ADORA1: variants seen among roughly 807,000 people sequenced by gnomAD.
ADORA1 encodes adenosine A1 receptor, also known as adenosine receptor A1.
A neutral mutation model predicts 19.9 loss-of-function variants in ADORA1; 6 were observed. The observed-to-expected ratio is 0.30, with a 90% CI of 0.17 to 0.59. The LOEUF is 0.59. Among genes scored for constraint, ADORA1 ranks in the 20% least tolerant of loss-of-function variants. ADORA1 has a pLI of 0.87. For synonymous variants in ADORA1, 194 were observed against 188.4 expected (o/e 1.03, Z -0.24); for missense variants, 302 against 439.2 (o/e 0.69, Z 2.79).
chr1:203,130,900 A>T (rs1654311029), intron 3 of ADORA1, among the ~76,000 whole-genome samples: 1 of 152,134 alleles, frequency 6.6e-6, no homozygotes, highest in Admixed American at 6.5e-5. Context: ...CTGTCCTTTG[A>T]GGGTGGAGGC....
chr1:203,155,850 G>A (rs997381536), intron 3 of ADORA1, among the ~76,000 whole-genome samples: 5 of 152,240 alleles, frequency 3.3e-5, no homozygotes, highest in African/African-American at 1.2e-4. Flanking sequence ...TCCCAGCACA[G>A]CAGGGAATAA....
chr1:203,148,883 A>AT (rs542195419), intron 3 of ADORA1, among the ~76,000 whole-genome samples: 52 of 144,484 alleles, frequency 3.6e-4, no homozygotes, highest in East Asian at 2.2e-3. Context: ...GTCTCTCTGC[A>AT]TTTTTTTTTT....
chr1:203,146,545 C>T (rs1282004675), intron 3 of ADORA1, among the ~76,000 whole-genome samples: 2 of 151,592 alleles, frequency 1.3e-5, no homozygotes, highest in Non-Finnish European at 2.9e-5. Context: ...AGGAGGATCG[C>T]CTGAGCCTGG....
Position 203,128,749 on chromosome 1 carries a change from C to A in ADORA1, c.-57-36C>A. 1 of 1,510,850 alleles carries A rather than the reference C, an allele frequency of 6.6e-7. No individual in the cohort carries two copies. The highest frequency in any genetic ancestry group is 1.3e-5 in the South Asian group (1 of 76,270). 93.6% of individuals were successfully genotyped at this position (1,510,850 alleles called of 1,614,324 possible). ...GCCTGAGCTCCCTGCCCCTCCCAGA[C>A]GGGTCTCCCCATCCCAGGCTTCCCT... On this transcript the variant is annotated intron_variant, in intron 2 of 3. Transcript: ENST00000337894. This position sits in a 1 kb window ranked among gnomAD's most constrained non-coding sequence, Gnocchi z 5.9.
rs1360459365 is a variant in ADORA1, at chr1:203,128,852, C to T, written c.11C>T (p.Ser4Phe). The T allele has an allele frequency of 6.3e-7, 1 of 1,599,452 alleles. No individual in the cohort carries two copies. Among genetic ancestry groups the T allele is most frequent in the East Asian group, 2.2e-5 (1 of 44,748 alleles). MPP[S>F]ISAFQAAYIG... ...CAGCCTGTGCCCGCCATGCCGCCCT[C>T]CATCTCAGCTTTCCAGGCCGCCTAC... The change falls in exon 3 of 4, where the codon TCC becomes TTC. Residue 4 changes from serine (S) to phenylalanine (F), a missense_variant. By Grantham distance (155) the Ser-to-Phe change is radical. Coordinates refer to ENST00000337894, the MANE Select transcript of ADORA1 (RefSeq NM_000674.3). The surrounding 1 kb of genome is among the most constrained non-coding windows in gnomAD (Gnocchi z 5.9).
chr1:203,136,800 G>T (rs773526589), intron 3 of ADORA1, among the ~76,000 whole-genome samples: 1 of 152,070 alleles, frequency 6.6e-6, no homozygotes, highest in Admixed American at 6.5e-5. Context: ...GAGAGAGAAG[G>T]GCAGCTGATT....
Position 203,129,191 on chromosome 1 carries a change from A to G in ADORA1, c.341+9A>G. The G allele has an allele frequency of 6.2e-7, 1 of 1,602,886 alleles. No individual in the cohort carries two copies. The highest frequency in any genetic ancestry group is 8.5e-7 in the Non-Finnish European group (1 of 1,173,736). On this transcript the variant is annotated intron_variant, in intron 3 of 3. Transcript: ENST00000337894. ...GTCAAGATCCCTCTCCGGTGAGTCC[A>G]CAGCGCCGAAGGTACTCGCAGCACC...
intron 3 of ADORA1, among the ~76,000 whole-genome samples, chr1:203,137,063 G>A (rs1248474380): frequency 6.6e-6 from 1 of 152,132 alleles, no homozygotes; most frequent in African/African-American, 2.4e-5. Context: ...AAAGAAAAAG[G>A]GGGCAGGGTA....
Position 203,166,774 on chromosome 1 carries a change from T to A in ADORA1, c.*874T>A, listed in dbSNP as rs1221680858. The A allele has an allele frequency of 6.6e-6, 1 of 152,650 alleles. No homozygotes were observed. Among genetic ancestry groups the A allele is most frequent in the Non-Finnish European group, 1.5e-5 (1 of 68,430 alleles). The allele number at this position is 152,650 out of a possible 1,614,324, so 9.5% of individuals were successfully genotyped here. ...CCACTGGCCTGCCCGTTGCCGGGCC[T>A]GGACTGTCCTAGGTGACCCCATCTC... On this transcript the variant is annotated 3_prime_UTR_variant, in exon 4 of 4. Transcript: ENST00000337894.
chr1:203,146,544 G>T (rs764384788), intron 3 of ADORA1, among the ~76,000 whole-genome samples: 4 of 151,452 alleles, frequency 2.6e-5, no homozygotes, highest in Non-Finnish European at 4.4e-5. Context: ...CAGGAGGATC[G>T]CCTGAGCCTG....
At chr1:203,144,869 C>T (rs1431792617) in intron 3 of ADORA1, 2 of 152,232 alleles carry the variant, frequency 1.3e-5, no homozygotes, top group Admixed American at 6.5e-5. Context: ...AGAATGTCCC[C>T]TCCCTGTCTG....
intron 3 of ADORA1, among the ~76,000 whole-genome samples, chr1:203,134,535 G>A (rs1264758607): frequency 6.6e-6 from 1 of 152,210 alleles, no homozygotes; most frequent in Admixed American, 6.5e-5. Flanking sequence ...GTGGCTTCCC[G>A]GAAGTTTCTG....
Position 203,128,714 on chromosome 1 carries a change from T to G in ADORA1, c.-57-71T>G. 2 of 1,480,428 alleles carry G rather than the reference T, an allele frequency of 1.4e-6. No homozygotes were observed. The highest frequency in any genetic ancestry group is 2.7e-5 in the South Asian group (2 of 73,376). The allele number at this position is 1,480,428 out of a possible 1,614,324, so 91.7% of individuals were successfully genotyped here. On this transcript the variant is annotated intron_variant, in intron 2 of 3. Transcript: ENST00000337894. This position sits in a 1 kb window ranked among gnomAD's most constrained non-coding sequence, Gnocchi z 5.9. The stretch of plus-strand genomic sequence containing the variant: ...GGGACACATCACAGGGTACCTGGAG[T>G]TCCAGGGCAGCCTGAGCTCCCTGCC...
chr1:203,140,055 A>G (rs1246920567), intron 3 of ADORA1, among the ~76,000 whole-genome samples: 1 of 152,230 alleles, frequency 6.6e-6, no homozygotes, highest in Non-Finnish European at 1.5e-5. Flanking sequence ...AAATCCGGTG[A>G]TATAAAAAGG....
At position 203,128,532 on chromosome 1, in the gene ADORA1, T is replaced by C; in HGVS notation, c.-58+100T>C. 1.0e-6 allele frequency: 1 copy of C among 987,006 alleles called. No individual in the cohort carries two copies. Among genetic ancestry groups the C allele is most frequent in the Non-Finnish European group, 1.4e-6 (1 of 721,638 alleles). 61.1% of individuals were successfully genotyped at this position (987,006 alleles called of 1,614,324 possible). ...CTGTGTGTGCGCGCGCGCTGGGAGC[T>C]GCCTCACACCTGATAAAAAAGCCAG... On this transcript the variant is annotated intron_variant, in intron 2 of 3. Transcript: ENST00000337894. This position sits in a 1 kb window ranked among gnomAD's most constrained non-coding sequence, Gnocchi z 5.9.
chr1:203,142,686 G>T (rs939317529), intron 3 of ADORA1, among the ~76,000 whole-genome samples: 1 of 152,142 alleles, frequency 6.6e-6, no homozygotes, highest in Non-Finnish European at 1.5e-5. Context: ...CATGCTGCCT[G>T]TTTGTATGTG....
At chr1:203,138,741 G>A (rs758960895) in intron 3 of ADORA1, among the ~76,000 whole-genome samples, 9 of 152,220 alleles carry the variant, frequency 5.9e-5, no homozygotes, top group Non-Finnish European at 1.3e-4. Flanking sequence ...GAGGAATTTT[G>A]TTGCAAAGAG....
At chr1:203,163,957 A>G (rs1655453547) in intron 3 of ADORA1, among the ~76,000 whole-genome samples, 2 of 152,176 alleles carry the variant, frequency 1.3e-5, no homozygotes, top group African/African-American at 2.4e-5. Flanking sequence ...CAGAAGCCGC[A>G]TTGGAAAATA....
intron 3 of ADORA1, among the ~76,000 whole-genome samples, chr1:203,148,035 A>G (rs1401953698): frequency 6.6e-6 from 1 of 152,196 alleles, no homozygotes; most frequent in Non-Finnish European, 1.5e-5. Flanking sequence ...CCTGGCCAAC[A>G]TGATGAAACC....
Sources: gnomAD v4.1 joint callset for allele counts (sites outside exome capture counted in the v4.1 genomes callset) on GRCh38, gnomAD v4.1.1 for gene constraint, Gnocchi (gnomAD v3.1) non-coding constraint, MANE v1.5 for transcripts, NCBI Gene and HGNC (gene_info 2026-07-23, HGNC 2026-07-21) for gene names.